Variants in CFAP299 observed in about 807,000 individuals in gnomAD.
CFAP299 encodes the protein cilia- and flagella-associated protein 299.
Under a neutral mutation model 27.0 loss-of-function variants are expected in CFAP299, and 21 were observed. The observed-to-expected ratio is 0.78, with a 90% CI of 0.55 to 1.12. CFAP299 has a LOEUF of 1.12. Ranked by LOEUF, CFAP299 falls within the 50% of genes most tolerant of loss-of-function variation. CFAP299 has a pLI of 0.00. For synonymous variants in CFAP299, 104 were observed against 98.1 expected (o/e 1.06, Z -0.36); for missense variants, 310 against 276.6 (o/e 1.12, Z -0.86).
chr4:80,549,863 GTTTA>G (rs1418817589), intron 2 of CFAP299, among the ~76,000 whole-genome samples: 4 of 151,760 alleles, frequency 2.6e-5, no homozygotes, highest in African/African-American at 7.3e-5. Flanking sequence ...ATTAAACACA[GTTTA>G]TTTATATTTT....
At chr4:80,538,605 G>T (rs1206406102) in intron 2 of CFAP299, among the ~76,000 whole-genome samples, 1 of 151,460 alleles carries the variant, frequency 6.6e-6, no homozygotes, top group Non-Finnish European at 1.5e-5. Context: ...TATAAGTTTA[G>T]ATATGTTTAA....
At chr4:80,613,677 G>C (rs1198028324) in intron 3 of CFAP299, among the ~76,000 whole-genome samples, 1 of 152,094 alleles carries the variant, frequency 6.6e-6, no homozygotes, top group Non-Finnish European at 1.5e-5. Context: ...TGATTTTGTA[G>C]AAAGCTGACC....
chr4:80,830,329 A>G (rs1730230957), intron 3 of CFAP299, among the ~76,000 whole-genome samples: 1 of 152,126 alleles, frequency 6.6e-6, no homozygotes, highest in Non-Finnish European at 1.5e-5. Context: ...TCCCTTTACA[A>G]GTCCATAGAA....
intron 3 of CFAP299, among the ~76,000 whole-genome samples, chr4:80,864,889 A>T (rs1488043572): frequency 6.6e-6 from 1 of 152,168 alleles, no homozygotes; most frequent in African/African-American, 2.4e-5. Context: ...TTTAGGTATT[A>T]TTATGCCCAT....
In CFAP299 at chr4:80,726,602, G is replaced by A. The variant is rs558331575; in HGVS notation, c.334-143391G>A. 5.9e-5 allele frequency among the ~76,000 whole-genome samples: 9 copies of A among 151,956 alleles called. No individual in the cohort carries two copies. The South Asian group carries it at 1.9e-3, about 31-fold the overall frequency. On this transcript the variant is annotated intron_variant, in intron 3 of 5. Transcript: ENST00000358105. ...GAACTTTTTTTTCCGTACTTCACTG[G>A]TGCTGAAATGTGTTATGAGCTATCT...
At chr4:80,665,813 G>C (rs907514329) in intron 3 of CFAP299, among the ~76,000 whole-genome samples, 3 of 152,038 alleles carry the variant, frequency 2.0e-5, no homozygotes, top group African/African-American at 2.4e-5. Flanking sequence ...AATCGCCTTG[G>C]TACTGTTCTC....
At chr4:80,404,232 A>G (rs1372821696) in intron 2 of CFAP299, among the ~76,000 whole-genome samples, 10 of 152,024 alleles carry the variant, frequency 6.6e-5, no homozygotes, top group Non-Finnish European at 1.5e-5. Context: ...TCATATATAT[A>G]TATACACACA....
At chr4:80,737,010 G>T (rs1455428932) in intron 3 of CFAP299, among the ~76,000 whole-genome samples, 2 of 152,118 alleles carry the variant, frequency 1.3e-5, no homozygotes, top group African/African-American at 4.8e-5. Context: ...CATGTCCTTT[G>T]TAGGGACATG....
At chr4:80,953,385 C>G (rs1304756675) in intron 5 of CFAP299, among the ~76,000 whole-genome samples, 1 of 152,138 alleles carries the variant, frequency 6.6e-6, no homozygotes, top group African/African-American at 2.4e-5. Flanking sequence ...CCCTAAAACA[C>G]CCACATACTA....
At chr4:80,458,420 T>G (rs1042639850) in intron 2 of CFAP299, among the ~76,000 whole-genome samples, 3 of 152,104 alleles carry the variant, frequency 2.0e-5, no homozygotes, top group African/African-American at 4.8e-5. Context: ...GCAATATGAG[T>G]GTACAAAGGT....
At chr4:80,440,048 C>T (rs1238573923) in intron 2 of CFAP299, among the ~76,000 whole-genome samples, 1 of 152,154 alleles carries the variant, frequency 6.6e-6, no homozygotes, top group Non-Finnish European at 1.5e-5. Flanking sequence ...GGCAGCAGCC[C>T]CCATCAGGGG....
chr4:80,835,111 T>TTTTG (rs1178006375), intron 3 of CFAP299, among the ~76,000 whole-genome samples: 2 of 152,120 alleles, frequency 1.3e-5, no homozygotes, highest in African/African-American at 2.4e-5. Context: ...TGCTTGAATT[T>TTTTG]TTTGTTTGTT....
intron 3 of CFAP299, among the ~76,000 whole-genome samples, chr4:80,638,971 C>T (rs1333696703): frequency 6.6e-6 from 1 of 152,110 alleles, no homozygotes; most frequent in East Asian, 1.9e-4. Context: ...CTGCCACCTT[C>T]TTCCTGTGCC....
At chr4:80,615,537 CT>C (rs34786104) in intron 3 of CFAP299, among the ~76,000 whole-genome samples, 15,442 of 145,676 alleles carry the variant, frequency 0.11, 870 homozygotes, top group South Asian at 0.22. Flanking sequence ...ATCTTTCTTT[CT>C]TTTTTTTTTT....
At chr4:80,809,311 G>A (rs142204749) in intron 3 of CFAP299, among the ~76,000 whole-genome samples, 1 of 152,096 alleles carries the variant, frequency 6.6e-6, no homozygotes, top group Non-Finnish European at 1.5e-5. Flanking sequence ...TAAATCCTTC[G>A]GGTGGGAACA....
intron 2 of CFAP299, among the ~76,000 whole-genome samples, chr4:80,446,014 G>C (rs1038587567): frequency 4.6e-5 from 7 of 152,150 alleles, no homozygotes; most frequent in Non-Finnish European, 7.4e-5. Context: ...CTCTCCCTTT[G>C]ATATTTATGC....
chr4:80,588,984 C>A (rs984339102), intron 3 of CFAP299, among the ~76,000 whole-genome samples: 1 of 152,128 alleles, frequency 6.6e-6, no homozygotes, highest in Non-Finnish European at 1.5e-5. Context: ...CAAATCTAGG[C>A]AGTCTGGCTC....
At chr4:80,330,058 A>G in the CFAP299 span, among the ~76,000 whole-genome samples, 2 of 152,248 alleles carry the variant, frequency 1.3e-5, no homozygotes, top group South Asian at 2.1e-4. Context: ...TGTATTTCTT[A>G]TTTTGAGCAG....
At chr4:80,328,815 T>A in the CFAP299 span, among the ~76,000 whole-genome samples, 2 of 152,204 alleles carry the variant, frequency 1.3e-5, no homozygotes, top group Non-Finnish European at 2.9e-5. Flanking sequence ...TATCACAGAA[T>A]TTTGAAGCTA....
Sources: allele counts gnomAD v4.1 joint callset (sites outside exome capture counted in the v4.1 genomes callset), GRCh38; gene constraint gnomAD v4.1.1; transcripts MANE v1.5; gene names NCBI Gene and HGNC (gene_info 2026-07-23, HGNC 2026-07-21).